INO80: variants seen among roughly 807,000 people sequenced by gnomAD.
INO80 encodes chromatin-remodeling ATPase INO80.
A neutral mutation model predicts 203.4 loss-of-function variants in INO80; 20 were observed. The ratio of observed to expected loss-of-function variants is 0.10; its 90% CI spans 0.07 to 0.14. The LOEUF (loss-of-function observed/expected upper bound fraction) is 0.14, where lower values mean the gene tolerates loss of function less well. INO80 is among the 10% of genes least tolerant of loss of function. The pLI is 1.00. For synonymous variants in INO80, 726 were observed against 685.2 expected (o/e 1.06, Z -0.93); for missense variants, 1,419 against 1,914.4 (o/e 0.74, Z 4.83).
intron 1 of INO80, among the ~76,000 whole-genome samples, chr15:41,102,346 C>T (rs1307848182): frequency 6.6e-6 from 1 of 151,866 alleles, no homozygotes; most frequent in Non-Finnish European, 1.5e-5. Context: ...TTATATATTA[C>T]CTATAGATTT....
intron 27 of INO80, among the ~76,000 whole-genome samples, chr15:41,013,990 G>C (rs1272047305): frequency 2.6e-5 from 4 of 152,198 alleles, no homozygotes; most frequent in African/African-American, 9.7e-5. Flanking sequence ...TATAGATAGA[G>C]AGGAAGTGAT....
chr15:41,112,286 T>C (rs1229644469), intron 1 of INO80, among the ~76,000 whole-genome samples: 3 of 152,146 alleles, frequency 2.0e-5, no homozygotes, highest in African/African-American at 7.2e-5. Flanking sequence ...ACTGGCTATA[T>C]GATTTAACTT....
chr15:41,009,615 C>T (rs182024753), intron 27 of INO80, among the ~76,000 whole-genome samples: 4 of 151,870 alleles, frequency 2.6e-5, no homozygotes, highest in African/African-American at 9.7e-5. Flanking sequence ...GTTTTTGAGG[C>T]AGGGTCTTGC....
At chr15:40,986,911 G>A (rs1324427628) in intron 31 of INO80, among the ~76,000 whole-genome samples, 180 bp downstream of exon 31, 1 of 152,208 alleles carries the variant, frequency 6.6e-6, no homozygotes, top group Non-Finnish European at 1.5e-5. Context: ...GAGATTAGAG[G>A]CGTGAGCCAC....
intron 28 of INO80, among the ~76,000 whole-genome samples, chr15:41,000,517 G>A (rs538032391): frequency 8.6e-5 from 13 of 151,906 alleles, no homozygotes; most frequent in African/African-American, 2.7e-4. Flanking sequence ...GCAACAGGGC[G>A]AAACCTTGTC....
chr15:41,013,780 C>T (rs1306777947), intron 27 of INO80, among the ~76,000 whole-genome samples: 1 of 152,128 alleles, frequency 6.6e-6, no homozygotes, highest in Non-Finnish European at 1.5e-5. Flanking sequence ...ATAGTTGCAA[C>T]ATTTTCTGGT....
chr15:41,019,756 T>C (rs1165896056), intron 26 of INO80, among the ~76,000 whole-genome samples: 1 of 152,196 alleles, frequency 6.6e-6, no homozygotes, highest in African/African-American at 2.4e-5. Context: ...GAAAGACATC[T>C]TGGAGTTCTC....
Position 41,056,649 on chromosome 15 carries a change from C to T in INO80, c.2043G>A (p.Gly681=), listed in dbSNP as rs780494975. The T allele has an allele frequency of 1.2e-6, 2 of 1,614,012 alleles. No homozygotes were observed. The highest frequency in any genetic ancestry group is 1.7e-6 in the Non-Finnish European group (2 of 1,179,898). ...FQCRNRLLLT[G]TPIQNTMAEL... ...CTGCCATGGTGTTCTGAATTGGGGT[C>T]CCGGTTAGCAAAAGCCGATTCCGAC... The change falls in exon 17 of 36, where the codon GGG becomes GGA. Residue 681 remains glycine (G), a synonymous_variant. Coordinates refer to ENST00000648947, the MANE Select transcript of INO80 (RefSeq NM_017553.3).
chr15:40,987,095 C>A lies in INO80; in HGVS notation c.3828G>T (p.Lys1276Asn). The A allele has an allele frequency of 6.3e-7, 1 of 1,593,872 alleles. No individual in the cohort carries two copies. The highest frequency in any genetic ancestry group is 1.1e-5 in the South Asian group (1 of 90,668). The change falls in exon 31 of 36, where the codon AAG becomes AAT. Residue 1276 changes from lysine to asparagine, a missense_variant. Lys to Asn is a moderately conservative substitution (Grantham distance 94). This residue lies in a region of INO80 where 214 missense variants were observed against 248.9 expected (regional missense o/e 0.86). Transcript: ENST00000648947. Reference protein sequence around the residue: ...SLLLDDEELEKKLRLRQEEKR... With the variant: ...SLLLDDEELENKLRLRQEEKR... The stretch of plus-strand genomic sequence containing the variant: ...ATAGAGGTTTAGAGTACATACGTTT[C>A]TTCTCCAACTCTTCGTCGTCTAGAA...
intron 2 of INO80, 61 bp downstream of exon 2, chr15:41,096,107 C>G (rs1393320346): frequency 5.3e-6 from 8 of 1,511,244 alleles, no homozygotes. Flanking sequence ...CCTGTAAAAT[C>G]TGTAAGGATG....
rs77291080 is a variant in INO80, at chr15:41,019,166, C to T, written c.3274+1734G>A. On this transcript the variant is annotated intron_variant, in intron 26 of 35. Coordinates refer to ENST00000648947, the MANE Select transcript of INO80 (RefSeq NM_017553.3). ...GGGATTGTACATCTTTCTGGTGAAA[C>T]ATGGAGAAGAAAAGGTGTGAAACCC... is the stretch of plus-strand genomic sequence containing the variant. Among the ~76,000 whole-genome samples, 397 of 152,234 alleles carry T rather than the reference C, an allele frequency of 2.6e-3. 3 individuals are homozygous for T. The highest frequency in any genetic ancestry group is 4.7e-3 in the Non-Finnish European group (320 of 68,012).
intron 1 of INO80, among the ~76,000 whole-genome samples, chr15:41,111,149 T>C (rs1291835935): frequency 1.3e-5 from 2 of 152,192 alleles, no homozygotes; most frequent in East Asian, 3.8e-4. Context: ...TAGTTAACGC[T>C]TAAAAAATAA....
At chr15:41,096,082 A>G (rs899198369) in intron 2 of INO80, 86 bp downstream of exon 2, 6 of 1,449,434 alleles carry the variant, frequency 4.1e-6, no homozygotes, top group East Asian at 2.3e-5. Context: ...CATAAAAATC[A>G]TAAGATACTT....
chr15:41,104,423 G>A (rs1234193685), intron 1 of INO80, among the ~76,000 whole-genome samples: 1 of 151,990 alleles, frequency 6.6e-6, no homozygotes, highest in Non-Finnish European at 1.5e-5. Flanking sequence ...TCATGTTAAT[G>A]GTAAATGTAT....
chr15:41,012,570 A>AAAAAAAAAAG (rs2044147547), intron 27 of INO80, among the ~76,000 whole-genome samples: 1 of 150,846 alleles, frequency 6.6e-6, no homozygotes, highest in Admixed American at 6.6e-5. Context: ...TTAAAAAAAA[A>AAAAAAAAAAG]AAAAAAAGAT....
intron 29 of INO80, among the ~76,000 whole-genome samples, chr15:40,988,227 A>G (rs975708116): frequency 2.6e-5 from 4 of 152,204 alleles, no homozygotes; most frequent in Non-Finnish European, 4.4e-5. Flanking sequence ...TTAATAGTTA[A>G]AACGTAGTGT....
At chr15:41,059,150 T>G (rs1328117887) in intron 15 of INO80, among the ~76,000 whole-genome samples, 1 of 150,386 alleles carries the variant, frequency 6.6e-6, no homozygotes, top group Admixed American at 6.6e-5. Context: ...TATGTAGAGA[T>G]GGGGTCTCAC....
chr15:41,060,456 C>T (rs141618851), intron 14 of INO80, among the ~76,000 whole-genome samples: 365 of 151,750 alleles, frequency 2.4e-3, no homozygotes, highest in Middle Eastern at 0.017. Flanking sequence ...TGTGGTGGCA[C>T]GCGCCTGTAA....
chr15:41,005,119 G>A (rs1365272446), intron 28 of INO80, among the ~76,000 whole-genome samples: 5 of 151,144 alleles, frequency 3.3e-5, no homozygotes, highest in African/African-American at 1.2e-4. Flanking sequence ...TGTTTGAACC[G>A]GGGAGGCGGA....
Sources: gnomAD v4.1 joint callset for allele counts (sites outside exome capture counted in the v4.1 genomes callset) on GRCh38, gnomAD v4.1.1 for gene constraint, gnomAD v4.1.1 regional missense constraint, MANE v1.5 for transcripts, NCBI Gene and HGNC (gene_info 2026-07-23, HGNC 2026-07-21) for gene names.